TNFSF11: variants seen among roughly 807,000 people sequenced by gnomAD.
TNFSF11 encodes the protein TNF superfamily member 11, also known as tumor necrosis factor ligand superfamily member 11.
Under a neutral mutation model 32.2 loss-of-function variants are expected in TNFSF11, and 12 were observed. That is an observed-to-expected ratio of 0.37 (90% CI 0.24 to 0.60). TNFSF11 has a LOEUF of 0.60. Among genes scored for constraint, TNFSF11 ranks in the 20% least tolerant of loss-of-function variants. TNFSF11 has a pLI of 0.66. For missense variants in TNFSF11, 345 were observed against 398.0 expected (o/e 0.87, Z 1.13); for synonymous variants, 172 against 152.1 (o/e 1.13, Z -0.96).
In TNFSF11 at chr13:42,574,186, G is replaced by A. The variant is rs972645302; in HGVS notation, c.-118G>A. Reference sequence around the variant, plus strand: ...CCCGCGCGCCCCAGGACCCAAAGCCGGGCTCCAAGTCGGCGCCCCACGTCG... The same window carrying A: ...CCCGCGCGCCCCAGGACCCAAAGCCAGGCTCCAAGTCGGCGCCCCACGTCG... On this transcript the variant is annotated 5_prime_UTR_variant, in exon 1 of 5. Transcript: ENST00000398795. The A allele has an allele frequency of 7.2e-7, 1 of 1,395,962 alleles. No homozygotes were observed. Among genetic ancestry groups the A allele is most frequent in the African/African-American group, 1.4e-5 (1 of 69,606 alleles). The allele number at this position is 1,395,962 out of a possible 1,614,324, so 86.5% of individuals were successfully genotyped here.
At chr13:42,602,370 T>C (rs1479607419) in intron 4 of TNFSF11, among the ~76,000 whole-genome samples, 1 of 152,194 alleles carries the variant, frequency 6.6e-6, no homozygotes, top group African/African-American at 2.4e-5. Flanking sequence ...ATTATACATA[T>C]TCCACCTTTT....
chr13:42,574,100 G>A (rs1873173273), upstream of TNFSF11: 9 of 614,056 alleles, frequency 1.5e-5, no homozygotes, highest in Non-Finnish European at 1.9e-5. Flanking sequence ...ATTGGCTCCC[G>A]AGGCCAGGGC....
At chr13:42,584,504 C>G (rs1873789249) in intron 2 of TNFSF11, among the ~76,000 whole-genome samples, 1 of 152,160 alleles carries the variant, frequency 6.6e-6, no homozygotes, top group South Asian at 2.1e-4. Context: ...AACATTATCC[C>G]ACTTCGTTTG....
In TNFSF11 at chr13:42,574,361, G is replaced by C. The variant is rs1389657001; in HGVS notation, c.58G>C (p.Gly20Arg). The C allele has an allele frequency of 1.3e-6, 2 of 1,542,030 alleles. No individual in the cohort carries two copies. The highest frequency in any genetic ancestry group is 1.2e-5 in the South Asian group (1 of 83,572). The change falls in exon 1 of 5, where the codon GGC (glycine) becomes CGC (arginine). Residue 20 changes from glycine to arginine, a missense_variant. Gly to Arg is a moderately radical substitution (Grantham distance 125). Transcript: ENST00000398795. ...KYLRGSEEMGGGPGAPHEGPL... is the reference protein window; with the variant it reads ...KYLRGSEEMGRGPGAPHEGPL... ...CCTGCGTGGCTCGGAGGAGATGGGC[G>C]GCGGCCCCGGAGCCCCGCACGAGGG...
At chr13:42,601,061 A>G in intron 4 of TNFSF11, 80 bp downstream of exon 4, 1 of 1,523,702 alleles carries the variant, frequency 6.6e-7, no homozygotes, top group Non-Finnish European at 9.1e-7. Flanking sequence ...ACCTATTTTT[A>G]GTCTGTCACT....
intron 4 of TNFSF11, 85 bp downstream of exon 4, chr13:42,601,066 G>A: frequency 6.7e-7 from 1 of 1,496,598 alleles, no homozygotes; most frequent in Non-Finnish European, 9.2e-7. Flanking sequence ...TTTTTAGTCT[G>A]TCACTGAATT....
At chr13:42,569,539 C>A (rs1404182714), upstream of TNFSF11, among the ~76,000 whole-genome samples, 2 of 101,630 alleles carry the variant, frequency 2.0e-5, no homozygotes, top group Non-Finnish European at 3.9e-5. Context: ...CAGAGCAACA[C>A]TCTGTCTCAA....
At chr13:42,569,392 C>T (rs7981403), upstream of TNFSF11, among the ~76,000 whole-genome samples, 69,474 of 151,436 alleles carry the variant, frequency 0.46, 16,120 homozygotes, top group African/African-American at 0.49. Context: ...ACTAAAAATA[C>T]AAAAAATTAG....
chr13:42,585,223 A>G (rs1356482442), intron 2 of TNFSF11, among the ~76,000 whole-genome samples: 1 of 152,262 alleles, frequency 6.6e-6, no homozygotes, highest in Non-Finnish European at 1.5e-5. Context: ...TGGATGCATT[A>G]GGCATTCTTA....
intron 2 of TNFSF11, among the ~76,000 whole-genome samples, chr13:42,589,412 C>T (rs568367664): frequency 6.6e-6 from 1 of 152,294 alleles, no homozygotes; most frequent in South Asian, 2.1e-4. Flanking sequence ...CTCACTGCCA[C>T]TGGCCCATCC....
chr13:42,574,047 G>C (rs965011378), upstream of TNFSF11: 6 of 548,302 alleles, frequency 1.1e-5, no homozygotes, highest in Admixed American at 1.3e-4. Context: ...GAAGGAAGGG[G>C]AGCCAGAGGT....
At chr13:42,578,417 C>T (rs1873426255) in intron 1 of TNFSF11, among the ~76,000 whole-genome samples, 1 of 152,188 alleles carries the variant, frequency 6.6e-6, no homozygotes, top group Non-Finnish European at 1.5e-5. Context: ...CCTCCGTTTT[C>T]TCCTAGTCTC....
At chr13:42,600,840 A>G (rs2137904978) in intron 3 of TNFSF11, 43 bp downstream of exon 3, 2 of 1,614,084 alleles carry the variant, frequency 1.2e-6, no homozygotes, top group Non-Finnish European at 1.7e-6. Context: ...CCACAGGGTC[A>G]CTACTATTTT....
intron 2 of TNFSF11, among the ~76,000 whole-genome samples, chr13:42,596,680 T>C (rs1868828255): frequency 6.6e-6 from 1 of 152,240 alleles, no homozygotes; most frequent in Non-Finnish European, 1.5e-5. Context: ...GAAAATACTT[T>C]GCTGTCTACA....
intron 2 of TNFSF11, among the ~76,000 whole-genome samples, chr13:42,593,137 C>T (rs943018840): frequency 5.9e-5 from 9 of 152,200 alleles, no homozygotes; most frequent in Non-Finnish European, 1.5e-5. Context: ...AGCATAAACT[C>T]AGGTAAGGTT....
intron 2 of TNFSF11, 49 bp downstream of exon 2, chr13:42,581,342 C>G (rs1458234714): frequency 6.2e-7 from 1 of 1,601,556 alleles, no homozygotes; most frequent in Non-Finnish European, 8.5e-7. Context: ...CTGACTCTAC[C>G]AATACTGAAA....
intron 2 of TNFSF11, among the ~76,000 whole-genome samples, chr13:42,587,135 C>A (rs1205461591): frequency 6.6e-6 from 1 of 152,184 alleles, no homozygotes; most frequent in Non-Finnish European, 1.5e-5. Context: ...ATGAACCTTC[C>A]ATCTCTGTTT....
At chr13:42,585,094 A>G (rs1873820549) in intron 2 of TNFSF11, among the ~76,000 whole-genome samples, 1 of 152,212 alleles carries the variant, frequency 6.6e-6, no homozygotes, top group African/African-American at 2.4e-5. Flanking sequence ...TACTCTATTC[A>G]GATAATTGTT....
intron 2 of TNFSF11, among the ~76,000 whole-genome samples, chr13:42,600,030 G>A (rs1239104510): frequency 1.3e-5 from 2 of 152,186 alleles, no homozygotes; most frequent in Non-Finnish European, 2.9e-5. Flanking sequence ...CCTAAGATGT[G>A]ACATTTTAGT....
Sources: gnomAD v4.1 joint callset for allele counts (sites outside exome capture counted in the v4.1 genomes callset) on GRCh38, gnomAD v4.1.1 for gene constraint, MANE v1.5 for transcripts, NCBI Gene and HGNC (gene_info 2026-07-23, HGNC 2026-07-21) for gene names.